Variants in NRG1 observed in about 807,000 individuals in gnomAD.
The protein encoded by NRG1 is neuregulin 1, also known as pro-neuregulin-1, membrane-bound isoform.
A neutral mutation model predicts 63.8 loss-of-function variants in NRG1; 18 were observed. The observed-to-expected ratio is 0.28, with a 90% CI of 0.19 to 0.42. The LOEUF (loss-of-function observed/expected upper bound fraction) is 0.42. NRG1 is among the 10% of genes least tolerant of loss of function. The pLI, the probability that NRG1 is intolerant of heterozygous loss-of-function variation, is 1.00. For synonymous variants in NRG1, 302 were observed against 301.3 expected (o/e 1.00, Z -0.02); for missense variants, 762 against 814.7 (o/e 0.94, Z 0.79).
intron 1 of NRG1, among the ~76,000 whole-genome samples, chr8:32,053,168 G>T (rs1303632392): frequency 1.3e-5 from 2 of 152,112 alleles, no homozygotes; most frequent in Non-Finnish European, 2.9e-5. Flanking sequence ...GACATGAATT[G>T]CCTGGCTGGT....
chr8:31,769,361 G>A (rs1384202359), intron 1 of NRG1, among the ~76,000 whole-genome samples: 1 of 152,138 alleles, frequency 6.6e-6, no homozygotes, highest in Non-Finnish European at 1.5e-5. Context: ...CACATATTCT[G>A]TGTTGACCCA....
chr8:32,772,966 T>G (rs1477944334), intron 7 of NRG1, among the ~76,000 whole-genome samples: 2 of 152,150 alleles, frequency 1.3e-5, no homozygotes, highest in Non-Finnish European at 2.9e-5. Context: ...TATTTTTTAT[T>G]TTTTTGCAAA....
intron 1 of NRG1, among the ~76,000 whole-genome samples, chr8:32,169,489 G>A (rs1351426910): frequency 6.6e-6 from 1 of 152,148 alleles, no homozygotes. Context: ...AACTTTTAGG[G>A]ATCCAATAGG....
chr8:32,030,089 T>C (rs1385473060), intron 1 of NRG1, among the ~76,000 whole-genome samples: 2 of 152,238 alleles, frequency 1.3e-5, no homozygotes, highest in Non-Finnish European at 2.9e-5. Context: ...CATTACTTAT[T>C]ATAGTTTATA....
chr8:31,995,334 T>C (rs1052865754), intron 1 of NRG1, among the ~76,000 whole-genome samples: 2 of 152,154 alleles, frequency 1.3e-5, no homozygotes, highest in Middle Eastern at 3.4e-3. Context: ...AATTTTGCTG[T>C]CTGAGATAAA....
chr8:32,622,304 T>G (rs1172294538), intron 5 of NRG1, among the ~76,000 whole-genome samples: 1 of 152,044 alleles, frequency 6.6e-6, no homozygotes, highest in African/African-American at 2.4e-5. Flanking sequence ...AGAAATAAAT[T>G]CTGGTGCTGC....
At chr8:31,864,372 A>G (rs1828757766) in intron 1 of NRG1, among the ~76,000 whole-genome samples, 1 of 152,148 alleles carries the variant, frequency 6.6e-6, no homozygotes, top group Non-Finnish European at 1.5e-5. Flanking sequence ...AACTGTGCTA[A>G]CTGGGGACTA....
intron 1 of NRG1, among the ~76,000 whole-genome samples, chr8:31,697,419 AATAG>A (rs1237748769): frequency 6.6e-6 from 1 of 152,234 alleles, no homozygotes; most frequent in East Asian, 1.9e-4. Flanking sequence ...AAACCCTAGT[AATAG>A]ATAGAAGTGA....
intron 1 of NRG1, among the ~76,000 whole-genome samples, chr8:31,824,878 C>T (rs941626854): frequency 2.0e-5 from 3 of 152,100 alleles, no homozygotes; most frequent in African/African-American, 7.2e-5. Context: ...ACTTCTACAC[C>T]ACATAAGTAA....
rs565664349 is a variant in NRG1, at chr8:31,795,045, C to T, written c.37+155614C>T. Reference sequence around the variant, plus strand: ...CTCAAATTCCTGACCTCAAGTGATACGCCTGCCTTAGCCTCCCAAAGTGCT... The same window carrying T: ...CTCAAATTCCTGACCTCAAGTGATATGCCTGCCTTAGCCTCCCAAAGTGCT... On this transcript the variant is annotated intron_variant, in intron 1 of 10. Coordinates refer to the NRG1 transcript ENST00000519301. 4.9e-4 allele frequency among the ~76,000 whole-genome samples: 74 copies of T among 152,252 alleles called. 1 individual carries two copies. The highest frequency in any genetic ancestry group is 1.3e-3 in the African/African-American group (54 of 41,554).
chr8:32,347,350 T>C (rs1262446991), intron 1 of NRG1, among the ~76,000 whole-genome samples: 1 of 152,168 alleles, frequency 6.6e-6, no homozygotes, highest in African/African-American at 2.4e-5. Flanking sequence ...TCACGCTCTA[T>C]GGAGATCCTT....
intron 1 of NRG1, among the ~76,000 whole-genome samples, chr8:32,095,002 C>G (rs941904256): frequency 6.6e-6 from 1 of 151,270 alleles, no homozygotes; most frequent in African/African-American, 2.4e-5. Flanking sequence ...ACCTCTGTCT[C>G]CCTGGTTCAA....
At chr8:32,358,770 A>G (rs1806814460) in intron 1 of NRG1, among the ~76,000 whole-genome samples, 1 of 152,158 alleles carries the variant, frequency 6.6e-6, no homozygotes, top group South Asian at 2.1e-4. Flanking sequence ...AGACAATAAG[A>G]TTACCCAGGA....
At chr8:31,936,318 T>C (rs1835294960) in intron 1 of NRG1, among the ~76,000 whole-genome samples, 2 of 152,134 alleles carry the variant, frequency 1.3e-5, no homozygotes, top group African/African-American at 4.8e-5. Flanking sequence ...ATTTCATAAG[T>C]TTTTTGTTGT....
intron 1 of NRG1, among the ~76,000 whole-genome samples, chr8:32,224,485 T>C (rs1251174403): frequency 2.0e-5 from 3 of 152,196 alleles, no homozygotes; most frequent in African/African-American, 7.2e-5. Context: ...GATCTTCCAG[T>C]GGGAGGATAT....
rs1820711474 is a variant in NRG1, at chr8:32,449,581, T to C, written c.38-146247T>C. Among the ~76,000 whole-genome samples the C allele has an allele frequency of 3.9e-5, 6 of 152,196 alleles. No homozygotes were observed. In the South Asian group the frequency reaches 8.3e-4, roughly 21 times the overall value. On this transcript the variant is annotated intron_variant, in intron 1 of 10. Coordinates refer to the NRG1 transcript ENST00000519301. ...GAAAATTCATTCATTCATTCATTCA[T>C]TGAGTACCTGTTATATGCCAGGCAA... is the stretch of plus-strand genomic sequence containing the variant.
chr8:32,011,932 TCAAAA>T (rs1814828496), intron 1 of NRG1, among the ~76,000 whole-genome samples: 1 of 152,102 alleles, frequency 6.6e-6, no homozygotes, highest in Non-Finnish European at 1.5e-5. Flanking sequence ...TCGCCACCTG[TCAAAA>T]GTAAGGTTTC....
chr8:32,048,446 C>CATACAT (rs1821426884), intron 1 of NRG1, among the ~76,000 whole-genome samples: 1 of 6,726 alleles, frequency 1.5e-4, no homozygotes, highest in African/African-American at 1.6e-4. Context: ...TATATACATA[C>CATACAT]ATATATATAT....
intron 1 of NRG1, among the ~76,000 whole-genome samples, chr8:31,731,307 G>C (rs13253310): frequency 0.29 from 43,403 of 151,820 alleles, 7,191 homozygotes; most frequent in Non-Finnish European, 0.36. Flanking sequence ...AGGAATTAGG[G>C]TTTAATGATT....
Sources: allele counts gnomAD v4.1 joint callset (sites outside exome capture counted in the v4.1 genomes callset), GRCh38; gene constraint gnomAD v4.1.1; transcripts MANE v1.5; gene names NCBI Gene and HGNC (gene_info 2026-07-23, HGNC 2026-07-21).